PPFIBP1: variants seen among roughly 807,000 people sequenced by gnomAD.
PPFIBP1 encodes the protein PPFIB scaffold protein 1, also known as liprin-beta-1.
PPFIBP1 carries 112 observed loss-of-function variants against 137.8 expected under a neutral mutation model. The observed-to-expected ratio is 0.81, with a 90% CI of 0.70 to 0.95. The LOEUF (loss-of-function observed/expected upper bound fraction) is 0.95, where lower values mean the gene tolerates loss of function less well. Ranked by LOEUF, PPFIBP1 falls within the 40% of genes least tolerant of loss-of-function variation. PPFIBP1 has a pLI of 0.00. For missense variants in PPFIBP1, 1,083 were observed against 1,196.6 expected (o/e 0.91, Z 1.40); for synonymous variants, 378 against 417.3 (o/e 0.91, Z 1.15).
At chr12:27,678,906 G>A (rs1421016140) in intron 19 of PPFIBP1, among the ~76,000 whole-genome samples, 3 of 148,294 alleles carry the variant, frequency 2.0e-5, no homozygotes, top group Non-Finnish European at 3.0e-5. Flanking sequence ...AAAGACTCTC[G>A]GGGAAATTGG....
rs1369362336 is a variant in PPFIBP1, at chr12:27,689,213, G to A, written c.2685+10G>A. On this transcript the variant is annotated intron_variant, in intron 27 of 29. Transcript: ENST00000228425. ...TACTGCCAAAGTGAAGGTTGGTTCAGGCTCATACGGTTTAATAATTGCTTG... is the reference window on the plus strand; with the variant it reads ...TACTGCCAAAGTGAAGGTTGGTTCAAGCTCATACGGTTTAATAATTGCTTG... The A allele has an allele frequency of 1.3e-6, 2 of 1,530,624 alleles. No homozygotes were observed. Among genetic ancestry groups the A allele is most frequent in the Non-Finnish European group, 1.7e-6 (2 of 1,145,356 alleles). 94.8% of individuals were successfully genotyped at this position (1,530,624 alleles called of 1,614,324 possible).
chr12:27,598,646 A>G (rs773525397), intron 2 of PPFIBP1, among the ~76,000 whole-genome samples: 11 of 152,172 alleles, frequency 7.2e-5, no homozygotes, highest in Non-Finnish European at 1.5e-4. Flanking sequence ...CTCTAGAAAA[A>G]TATATGATCA....
rs1205445690 is a variant in PPFIBP1, at chr12:27,682,616, A to G, written c.2160A>G (p.Arg720=). The change falls in exon 24 of 30, where the codon AGA becomes AGG. Residue 720 remains arginine, a splice_region_variant and synonymous_variant. Transcript: ENST00000228425. ...GCAACACTGGCCTCTCTCTTTTAGG[A>G]TGGTTGGATGACATTGGCCTCCCTC... The part of the protein sequence containing the change: ...HGKLDFNWVT[R]WLDDIGLPQY... 1 of 1,614,070 alleles carries G rather than the reference A, an allele frequency of 6.2e-7. No homozygotes were observed. The highest frequency in any genetic ancestry group is 1.3e-5 in the African/African-American group (1 of 75,014).
chr12:27,586,340 G>A (rs1360029614), intron 2 of PPFIBP1, among the ~76,000 whole-genome samples: 1 of 152,182 alleles, frequency 6.6e-6, no homozygotes, highest in Non-Finnish European at 1.5e-5. Flanking sequence ...ATGAATATGT[G>A]CATTAGTTTA....
At chr12:27,568,662 G>A (rs75320080) in intron 1 of PPFIBP1, among the ~76,000 whole-genome samples, 2,509 of 152,240 alleles carry the variant, frequency 0.016, 68 homozygotes, top group African/African-American at 0.057. Context: ...GACTTCTCCC[G>A]TCTTCTAGAA....
intron 2 of PPFIBP1, among the ~76,000 whole-genome samples, chr12:27,623,227 G>C (rs568512688): frequency 5.9e-5 from 9 of 152,084 alleles, no homozygotes; most frequent in Non-Finnish European, 1.5e-5. Context: ...AAACAGACCC[G>C]CTGATACTCC....
chr12:27,595,887 ATATAT>A (rs1343323946), intron 2 of PPFIBP1, among the ~76,000 whole-genome samples: 3,772 of 95,968 alleles, frequency 0.039, 121 homozygotes, highest in East Asian at 0.19. Context: ...CAACAACAAA[ATATAT>A]ATATATATAT....
intron 1 of PPFIBP1, among the ~76,000 whole-genome samples, chr12:27,535,272 ATG>A (rs1173505926): frequency 6.6e-6 from 1 of 152,184 alleles, no homozygotes; most frequent in African/African-American, 2.4e-5. Flanking sequence ...TTGTCATTCT[ATG>A]TGAAGAAAAA....
At position 27,664,423 on chromosome 12, in the gene PPFIBP1, T is replaced by C. The variant is rs769876140; in HGVS notation, c.968T>C (p.Val323Ala). The change falls in exon 12 of 30, where the codon GTG becomes GCG. Residue 323 changes from valine (V) to alanine (A), a missense_variant. Transcript: ENST00000228425. ...LNRYKKMQDT[V>A]VLAQGKKGKD... ...AGGTACAAGAAAATGCAAGACACGG[T>C]GGTACTGGCCCAAGGTAAAAAAGGT... 22 of 1,612,574 alleles carry C rather than the reference T, an allele frequency of 1.4e-5. No individual in the cohort carries two copies. The highest frequency in any genetic ancestry group is 9.3e-6 in the Non-Finnish European group (11 of 1,178,966).
At chr12:27,604,500 A>G (rs897472112) in intron 2 of PPFIBP1, among the ~76,000 whole-genome samples, 1 of 152,154 alleles carries the variant, frequency 6.6e-6, no homozygotes, top group African/African-American at 2.4e-5. Context: ...TGTGGGCCAA[A>G]ACCTCCTGCC....
chr12:27,587,324 A>T (rs2051884258), intron 2 of PPFIBP1, among the ~76,000 whole-genome samples: 1 of 152,148 alleles, frequency 6.6e-6, no homozygotes, highest in Non-Finnish European at 1.5e-5. Flanking sequence ...ATATAATCTC[A>T]TAAGATATTA....
chr12:27,558,632 C>A (rs1404521598), intron 1 of PPFIBP1, among the ~76,000 whole-genome samples: 1 of 151,444 alleles, frequency 6.6e-6, no homozygotes, highest in African/African-American at 2.4e-5. Flanking sequence ...CACAAACATA[C>A]ACACACGCTG....
At chr12:27,534,349 C>G (rs1191091362) in intron 1 of PPFIBP1, among the ~76,000 whole-genome samples, 1 of 152,056 alleles carries the variant, frequency 6.6e-6, no homozygotes, top group African/African-American at 2.4e-5. Context: ...AGGCGGTCTG[C>G]ATTGATTTAT....
chr12:27,579,094 C>T (rs1223194336), intron 2 of PPFIBP1, among the ~76,000 whole-genome samples: 1 of 152,170 alleles, frequency 6.6e-6, no homozygotes, highest in Non-Finnish European at 1.5e-5. Context: ...TGGCTGGAGT[C>T]ACAGAAAGAA....
intron 13 of PPFIBP1, among the ~76,000 whole-genome samples, chr12:27,669,813 A>G (rs538035220): frequency 1.3e-5 from 2 of 152,362 alleles, no homozygotes; most frequent in East Asian, 3.9e-4. Flanking sequence ...AATAACATAA[A>G]CAAAAATCAC....
At chr12:27,640,406 A>G (rs2058030845) in intron 4 of PPFIBP1, among the ~76,000 whole-genome samples, 1 of 152,340 alleles carries the variant, frequency 6.6e-6, no homozygotes, top group African/African-American at 2.4e-5. Flanking sequence ...TTCAACAAAT[A>G]TTGAATAAAT....
chr12:27,609,745 C>A (rs1033490564), intron 2 of PPFIBP1, among the ~76,000 whole-genome samples: 14 of 152,148 alleles, frequency 9.2e-5, no homozygotes, highest in Admixed American at 2.6e-4. Flanking sequence ...CAGCCATTTT[C>A]CCTTTTGTTC....
intron 2 of PPFIBP1, among the ~76,000 whole-genome samples, chr12:27,588,226 A>G (rs544747743): frequency 6.6e-6 from 1 of 152,328 alleles, no homozygotes; most frequent in East Asian, 1.9e-4. Flanking sequence ...TCCATTGTAA[A>G]GGTGCCTAAT....
chr12:27,630,010 G>T (rs1412614092), intron 2 of PPFIBP1, among the ~76,000 whole-genome samples: 6 of 152,064 alleles, frequency 3.9e-5, no homozygotes, highest in Non-Finnish European at 5.9e-5. Flanking sequence ...TGTATATTCT[G>T]CATTTGTGTG....
Sources: gnomAD v4.1 joint callset for allele counts (sites outside exome capture counted in the v4.1 genomes callset) on GRCh38, gnomAD v4.1.1 for gene constraint, MANE v1.5 for transcripts, NCBI Gene and HGNC (gene_info 2026-07-23, HGNC 2026-07-21) for gene names.